Variants in NKAIN3 observed in about 807,000 individuals in gnomAD.
NKAIN3 encodes sodium/potassium-transporting ATPase subunit beta-1-interacting protein 3.
NKAIN3 carries 25 observed loss-of-function variants against 30.2 expected under a neutral mutation model. That is an observed-to-expected ratio of 0.83 (90% CI 0.60 to 1.16). The LOEUF (loss-of-function observed/expected upper bound fraction) is 1.16, where lower values mean the gene tolerates loss of function less well. Among genes scored for constraint, NKAIN3 ranks in the 50% most tolerant of loss-of-function variants. NKAIN3 has a pLI of 0.00. For synonymous variants in NKAIN3, 91 were observed against 89.6 expected, an observed-to-expected ratio of 1.02 and a Z score of -0.09; for missense variants, 225 against 254.1, an observed-to-expected ratio of 0.89 and a Z score of 0.78.
intron 1 of NKAIN3, among the ~76,000 whole-genome samples, chr8:62,284,284 C>A (rs12548234): frequency 0.59 from 89,008 of 151,780 alleles, 26,431 homozygotes; most frequent in East Asian, 0.68. Flanking sequence ...ACAGTGGTGG[C>A]TTTCTGTCTT....
intron 4 of NKAIN3, among the ~76,000 whole-genome samples, chr8:62,901,859 T>C (rs1237748697): frequency 6.6e-6 from 1 of 152,228 alleles, no homozygotes; most frequent in Non-Finnish European, 1.5e-5. Flanking sequence ...AACAGTCTAC[T>C]GAGTTTACCA....
At chr8:62,271,645 G>A (rs1354433634) in intron 1 of NKAIN3, among the ~76,000 whole-genome samples, 1 of 152,114 alleles carries the variant, frequency 6.6e-6, no homozygotes, top group African/African-American at 2.4e-5. Flanking sequence ...TTCAGGATAT[G>A]AAGGGTCTCA....
chr8:62,301,754 T>G (rs1266134489), intron 1 of NKAIN3, among the ~76,000 whole-genome samples: 1 of 152,084 alleles, frequency 6.6e-6, no homozygotes, highest in Non-Finnish European at 1.5e-5. Flanking sequence ...CAGAAATATT[T>G]TCTTGTATAA....
At chr8:62,344,109 G>T (rs561385260) in intron 1 of NKAIN3, among the ~76,000 whole-genome samples, 2 of 151,988 alleles carry the variant, frequency 1.3e-5, no homozygotes, top group Non-Finnish European at 1.5e-5. Flanking sequence ...GCCAGGCTGG[G>T]GGGTGGAGGG....
intron 4 of NKAIN3, among the ~76,000 whole-genome samples, chr8:62,910,551 T>C (rs1449677563): frequency 1.3e-5 from 2 of 152,166 alleles, no homozygotes; most frequent in African/African-American, 4.8e-5. Context: ...CTGCAACAAG[T>C]ACAATTTTAT....
At chr8:62,431,322 C>T (rs910293220) in intron 1 of NKAIN3, among the ~76,000 whole-genome samples, 1 of 151,794 alleles carries the variant, frequency 6.6e-6, no homozygotes, top group Non-Finnish European at 1.5e-5. Flanking sequence ...CTAACAAAGA[C>T]CCAAGATGAA....
rs531862655 is a variant in NKAIN3, at chr8:62,819,744, A to G, written c.471+72615A>G. On this transcript the variant is annotated intron_variant, in intron 4 of 6. Coordinates refer to ENST00000623646, the MANE Select transcript of NKAIN3 (RefSeq NM_001304533.3). ...TGCCTTCTTTAACATTCCATGTGTG[A>G]GTGATTTTATCGGCTCTGAAATTGT... 9.2e-5 allele frequency among the ~76,000 whole-genome samples: 14 copies of G among 152,182 alleles called. No homozygotes were observed. In the South Asian group the frequency reaches 2.9e-3, roughly 32 times the overall value.
intron 5 of NKAIN3, among the ~76,000 whole-genome samples, chr8:62,993,646 C>T (rs891715432): frequency 4.6e-5 from 7 of 152,132 alleles, no homozygotes; most frequent in African/African-American, 9.7e-5. Flanking sequence ...AAACGAATCA[C>T]TCTTGTCCTT....
chr8:62,593,178 T>C (rs1810710895), intron 3 of NKAIN3, among the ~76,000 whole-genome samples: 1 of 152,034 alleles, frequency 6.6e-6, no homozygotes, highest in Admixed American at 6.6e-5. Flanking sequence ...CAAGATGGCA[T>C]TCTGGGCCAT....
chr8:62,615,692 G>T (rs1586011741), intron 3 of NKAIN3, among the ~76,000 whole-genome samples: 1 of 152,112 alleles, frequency 6.6e-6, no homozygotes, highest in East Asian at 1.9e-4. Context: ...GGCTGATTTA[G>T]ATACCTTCAT....
chr8:62,956,042 A>T (rs1366021840), intron 6 of NKAIN3, among the ~76,000 whole-genome samples: 1 of 152,196 alleles, frequency 6.6e-6, no homozygotes, highest in Non-Finnish European at 1.5e-5. Context: ...TCAAACTAAG[A>T]CTGAATTGAA....
chr8:62,770,931 G>A (rs1817085374), intron 4 of NKAIN3, among the ~76,000 whole-genome samples: 1 of 152,014 alleles, frequency 6.6e-6, no homozygotes, highest in Non-Finnish European at 1.5e-5. Context: ...ATCCAGAGTT[G>A]AGATATATTA....
intron 3 of NKAIN3, among the ~76,000 whole-genome samples, chr8:62,732,216 T>C (rs879068095): frequency 2.6e-5 from 4 of 152,134 alleles, no homozygotes; most frequent in Admixed American, 6.5e-5. Context: ...ATTAATTATA[T>C]TTTTCTCCAA....
rs1053863843 is a variant in NKAIN3 at position 62,973,943 on chromosome 8, T to G, written c.*8536T>G. On this transcript the variant is annotated 3_prime_UTR_variant, in exon 7 of 7. Coordinates refer to ENST00000623646, the MANE Select transcript of NKAIN3 (RefSeq NM_001304533.3). ...GGAAATCCTTTCCCCATTGCTTGTT[T>G]TTATCAGGTTTGTCAAAGATCAGAT... Among the ~76,000 whole-genome samples, 2 of 152,212 alleles carry G rather than the reference T, an allele frequency of 1.3e-5. No homozygotes were observed. The highest frequency in any genetic ancestry group is 2.9e-5 in the Non-Finnish European group (2 of 68,050).
chr8:62,702,362 A>C (rs1219969541), intron 3 of NKAIN3, among the ~76,000 whole-genome samples: 2 of 152,172 alleles, frequency 1.3e-5, no homozygotes, highest in Non-Finnish European at 2.9e-5. Context: ...CACAATTATA[A>C]TGTTTAAAAA....
At chr8:62,623,119 T>C (rs1225641584) in intron 3 of NKAIN3, among the ~76,000 whole-genome samples, 1 of 152,002 alleles carries the variant, frequency 6.6e-6, no homozygotes, top group Non-Finnish European at 1.5e-5. Flanking sequence ...CTACAGTCCA[T>C]TTGAATCAGT....
chr8:62,400,640 C>T (rs1803829507), intron 1 of NKAIN3, among the ~76,000 whole-genome samples: 1 of 151,880 alleles, frequency 6.6e-6, no homozygotes, highest in Admixed American at 6.6e-5. Context: ...AAGTCTTCAT[C>T]TCTCCTTCAT....
intron 3 of NKAIN3, among the ~76,000 whole-genome samples, chr8:62,687,158 G>A (rs1450521765): frequency 6.6e-6 from 1 of 152,160 alleles, no homozygotes; most frequent in Admixed American, 6.6e-5. Context: ...TCCATCACAT[G>A]ATCACATTTG....
chr8:62,834,515 A>G (rs940176835), intron 4 of NKAIN3, among the ~76,000 whole-genome samples: 1 of 152,042 alleles, frequency 6.6e-6, no homozygotes, highest in African/African-American at 2.4e-5. Flanking sequence ...AACCAGTAGC[A>G]CTTCTATACA....
Sources: allele counts gnomAD v4.1 joint callset (sites outside exome capture counted in the v4.1 genomes callset), GRCh38; gene constraint gnomAD v4.1.1; transcripts MANE v1.5; gene names NCBI Gene and HGNC (gene_info 2026-07-23, HGNC 2026-07-21).